KCNH7: variants seen among roughly 807,000 people sequenced by gnomAD.
KCNH7 encodes voltage-gated inwardly rectifying potassium channel KCNH7.
In KCNH7, 49 loss-of-function variants were observed where a neutral mutation model predicts 120.8. That is an observed-to-expected ratio of 0.41 (90% CI 0.32 to 0.51). The LOEUF is 0.51. Among genes scored for constraint, KCNH7 ranks in the 20% least tolerant of loss-of-function variants. The probability of loss-of-function intolerance (pLI) is 0.38; values close to 1 mark genes in which losing one functional copy is unlikely to be tolerated. For missense variants in KCNH7, 1,097 were observed against 1,446.6 expected, an observed-to-expected ratio of 0.76 and a Z score of 3.92; for synonymous variants, 547 against 516.1, an observed-to-expected ratio of 1.06 and a Z score of -0.81.
At chr2:162,466,693 C>CTG (rs1689317280) in intron 6 of KCNH7, among the ~76,000 whole-genome samples, 1 of 152,144 alleles carries the variant, frequency 6.6e-6, no homozygotes, top group East Asian at 1.9e-4. Context: ...TGTTACTTCA[C>CTG]TGGTAACTTG....
intron 2 of KCNH7, among the ~76,000 whole-genome samples, chr2:162,537,526 C>T (rs1393917318): frequency 6.6e-6 from 1 of 151,976 alleles, no homozygotes; most frequent in East Asian, 1.9e-4. Flanking sequence ...TGCTTTTTCT[C>T]TTTTAATTTA....
At chr2:162,657,323 T>C (rs1009113113) in intron 2 of KCNH7, among the ~76,000 whole-genome samples, 1 of 152,194 alleles carries the variant, frequency 6.6e-6, no homozygotes, top group Non-Finnish European at 1.5e-5. Context: ...ATCTTCCCCC[T>C]TTCCCTGAGC....
intron 2 of KCNH7, among the ~76,000 whole-genome samples, chr2:162,771,634 T>C (rs992847560): frequency 1.3e-5 from 2 of 152,142 alleles, no homozygotes; most frequent in Non-Finnish European, 2.9e-5. Flanking sequence ...TGAAAAGTAT[T>C]CCAAATGAAT....
At chr2:162,753,028 G>GAAAAGAAAAGAAAAGAAAAA (rs1292002226) in intron 2 of KCNH7, among the ~76,000 whole-genome samples, 1 of 133,482 alleles carries the variant, frequency 7.5e-6, no homozygotes, top group Non-Finnish European at 1.6e-5. Context: ...GAAAAGAAAA[G>GAAAAGAAAAGAAAAGAAAAA]AAACCCTGAC....
At chr2:162,651,044 C>A (rs1464952921) in intron 2 of KCNH7, among the ~76,000 whole-genome samples, 1 of 152,082 alleles carries the variant, frequency 6.6e-6, no homozygotes, top group Non-Finnish European at 1.5e-5. Context: ...AGGAGGACTG[C>A]TAAGTTTTTG....
chr2:162,631,385 G>A (rs890113921), intron 2 of KCNH7, among the ~76,000 whole-genome samples: 4 of 152,028 alleles, frequency 2.6e-5, no homozygotes, highest in Non-Finnish European at 5.9e-5. Context: ...TGTGATGATT[G>A]TGTGTAACAG....
chr2:162,409,373 G>C (rs1687321033), intron 9 of KCNH7, among the ~76,000 whole-genome samples: 1 of 151,846 alleles, frequency 6.6e-6, no homozygotes, highest in Admixed American at 6.6e-5. Flanking sequence ...ATTGACTAAA[G>C]AAGAAGTAGA....
chr2:162,490,053 T>C (rs12052788), intron 6 of KCNH7, among the ~76,000 whole-genome samples: 38,705 of 152,186 alleles, frequency 0.25, 9,132 homozygotes, highest in African/African-American at 0.61. Context: ...ACGTTAATCA[T>C]ACTCTAGAGG....
At chr2:162,658,073 C>T (rs967451372) in intron 2 of KCNH7, among the ~76,000 whole-genome samples, 1 of 151,388 alleles carries the variant, frequency 6.6e-6, no homozygotes, top group African/African-American at 2.4e-5. Flanking sequence ...GGAGAGCACC[C>T]TCATTCCTTC....
intron 14 of KCNH7, among the ~76,000 whole-genome samples, chr2:162,375,124 A>G (rs966989021): frequency 3.3e-5 from 5 of 152,166 alleles, no homozygotes; most frequent in African/African-American, 1.2e-4. Flanking sequence ...TTCTCCTCTG[A>G]GCCTCCAAAG....
At position 162,373,596 on chromosome 2, in the gene KCNH7, C is replaced by G. The variant is rs752991826; in HGVS notation, c.3198G>C (p.Val1066=). The G allele has an allele frequency of 6.3e-7, 1 of 1,576,822 alleles. No individual in the cohort carries two copies. The highest frequency in any genetic ancestry group is 1.7e-4 in the Middle Eastern group (1 of 5,950). ...ILQLLQKQTT[V]VPPAYSMVTA... ...TTACCATACTGTAGGCTGGGGGGAC[C>G]ACAGTGGTTTGTTTCTGCAGCAACT... Residue 1066 remains valine, a synonymous_variant, in exon 15 of 16, where the codon GTG becomes GTC. Coordinates refer to ENST00000332142, the MANE Select transcript of KCNH7 (RefSeq NM_033272.4).
intron 9 of KCNH7, among the ~76,000 whole-genome samples, chr2:162,409,052 G>A (rs1014238009): frequency 6.6e-6 from 1 of 151,546 alleles, no homozygotes; most frequent in African/African-American, 2.4e-5. Flanking sequence ...GAATAGTAAA[G>A]TTATCAAAAA....
At chr2:162,809,469 A>G (rs940289269) in intron 2 of KCNH7, among the ~76,000 whole-genome samples, 7 of 152,178 alleles carry the variant, frequency 4.6e-5, no homozygotes, top group African/African-American at 1.4e-4. Flanking sequence ...TCCAAGCTCT[A>G]TTGATATGTA....
chr2:162,533,287 T>C (rs924842363), intron 3 of KCNH7, among the ~76,000 whole-genome samples: 1 of 151,806 alleles, frequency 6.6e-6, no homozygotes, highest in African/African-American at 2.4e-5. Flanking sequence ...TAACCTAGAA[T>C]ATGTTAGTAT....
rs546488128 is a variant in KCNH7, at chr2:162,604,069, G to C, written c.308-66989C>G. Among the ~76,000 whole-genome samples, 19 of 152,152 alleles carry C rather than the reference G, an allele frequency of 1.2e-4. No homozygotes were observed. The South Asian group carries it at 3.9e-3, about 32-fold the overall frequency. The stretch of plus-strand genomic sequence containing the variant: ...TTACCAGCAAACACATTCAAAAAGA[G>C]AGTTTACTAACTTAGCTAGAGAAAG... On this transcript the variant is annotated intron_variant, in intron 2 of 15. Transcript: ENST00000332142.
At chr2:162,621,252 CTTTTTTTT>C (rs35494887) in intron 2 of KCNH7, among the ~76,000 whole-genome samples, 1 of 52,120 alleles carries the variant, frequency 1.9e-5, no homozygotes, top group African/African-American at 8.1e-5. Flanking sequence ...GTATCATCAT[CTTTTTTTT>C]TTTTTTTTTT....
At chr2:162,435,657 A>G (rs1453429414) in intron 7 of KCNH7, 60 bp from the exon 8 acceptor site, 9 of 1,500,302 alleles carry the variant, frequency 6.0e-6, no homozygotes, top group Non-Finnish European at 7.1e-6. Context: ...GTACATTCAT[A>G]TGAAGCAAAG....
intron 2 of KCNH7, among the ~76,000 whole-genome samples, chr2:162,691,737 AC>A (rs1173592931): frequency 6.6e-6 from 1 of 152,124 alleles, no homozygotes; most frequent in African/African-American, 2.4e-5. Context: ...CATTTCCTCA[AC>A]ACACCCCACA....
At chr2:162,658,888 G>A (rs1398525967) in intron 2 of KCNH7, among the ~76,000 whole-genome samples, 2 of 152,086 alleles carry the variant, frequency 1.3e-5, no homozygotes, top group Non-Finnish European at 2.9e-5. Context: ...TCTTTTGAAT[G>A]CTCTACACAG....
Sources: gnomAD v4.1 joint callset for allele counts (sites outside exome capture counted in the v4.1 genomes callset) on GRCh38, gnomAD v4.1.1 for gene constraint, MANE v1.5 for transcripts, NCBI Gene and HGNC (gene_info 2026-07-23, HGNC 2026-07-21) for gene names.